The following ENTREP2 variants were observed in gnomAD, a reference collection of about 807,000 sequenced individuals.
ENTREP2 encodes protein ENTREP2.
At chr15:29,405,022 C>G in the ENTREP2 span, among the ~76,000 whole-genome samples, 1 of 152,190 alleles carries the variant, frequency 6.6e-6, no homozygotes, top group Admixed American at 6.5e-5. Flanking sequence ...CTGTAAGAGC[C>G]CTACAAAGCC....
chr15:29,617,475 A>G, the ENTREP2 span, among the ~76,000 whole-genome samples: 181 of 152,314 alleles, frequency 1.2e-3, no homozygotes, highest in African/African-American at 4.0e-3. Flanking sequence ...CACACCCAGA[A>G]AGACTGCTCT....
chr15:29,174,692 C>CAAAAAAAAA, the ENTREP2 span, among the ~76,000 whole-genome samples: 11 of 107,464 alleles, frequency 1.0e-4, no homozygotes, highest in African/African-American at 5.6e-4. Context: ...TCCAACTAAA[C>CAAAAAAAAA]AAAACAAAAC....
chr15:29,226,003 C>T, the ENTREP2 span, among the ~76,000 whole-genome samples: 1 of 152,166 alleles, frequency 6.6e-6, no homozygotes, highest in Non-Finnish European at 1.5e-5. Flanking sequence ...CACTGTCCAC[C>T]ACAGCCCCCC....
the ENTREP2 span, among the ~76,000 whole-genome samples, chr15:29,622,418 G>C: frequency 6.6e-6 from 1 of 152,050 alleles, no homozygotes; most frequent in Non-Finnish European, 1.5e-5. Flanking sequence ...ATGTTGACCA[G>C]GCTGGTTTTG....
At chr15:29,662,807 G>A in the ENTREP2 span, among the ~76,000 whole-genome samples, 1 of 152,026 alleles carries the variant, frequency 6.6e-6, no homozygotes, top group African/African-American at 2.4e-5. Context: ...TGCAACCTCT[G>A]CCTCCTGGAT....
the ENTREP2 span, among the ~76,000 whole-genome samples, chr15:29,627,197 C>CT: frequency 6.6e-6 from 1 of 152,100 alleles, no homozygotes; most frequent in Non-Finnish European, 1.5e-5. Context: ...ATTTTTCTAA[C>CT]TGACTTTTTA....
the ENTREP2 span, among the ~76,000 whole-genome samples, chr15:29,652,306 G>T: frequency 2.0e-5 from 3 of 152,114 alleles, no homozygotes; most frequent in Admixed American, 1.3e-4. Flanking sequence ...GGACACCCTG[G>T]TTGCAAAAAG....
chr15:29,350,486 C>G, the ENTREP2 span, among the ~76,000 whole-genome samples: 1 of 152,136 alleles, frequency 6.6e-6, no homozygotes, highest in Non-Finnish European at 1.5e-5. Context: ...TTTAATCTTA[C>G]TTATTCTTTT....
chr15:29,650,630 C>T, the ENTREP2 span, among the ~76,000 whole-genome samples: 2 of 151,816 alleles, frequency 1.3e-5, no homozygotes, highest in African/African-American at 4.8e-5. Flanking sequence ...ATTCTTGTTA[C>T]CCTTACTCTT....
the ENTREP2 span, among the ~76,000 whole-genome samples, chr15:29,144,668 T>A: frequency 6.6e-6 from 1 of 152,062 alleles, no homozygotes; most frequent in Non-Finnish European, 1.5e-5. Flanking sequence ...AGGTAGAGGC[T>A]GCAGTGAACC....
the ENTREP2 span, among the ~76,000 whole-genome samples, chr15:29,386,564 C>T: frequency 6.6e-6 from 1 of 152,200 alleles, no homozygotes; most frequent in Non-Finnish European, 1.5e-5. Flanking sequence ...ATTTGCTACA[C>T]AGCAACAGAA....
chr15:29,604,173 C>A, the ENTREP2 span, among the ~76,000 whole-genome samples: 2 of 152,006 alleles, frequency 1.3e-5, no homozygotes, highest in African/African-American at 2.4e-5. Flanking sequence ...GAAGAAATAC[C>A]GATAATGAAT....
chr15:29,396,195 T>G, the ENTREP2 span, among the ~76,000 whole-genome samples: 1 of 152,204 alleles, frequency 6.6e-6, no homozygotes, highest in African/African-American at 2.4e-5. Context: ...ATGCTGTACA[T>G]TACGTCTCCA....
At chr15:29,434,642 A>C in the ENTREP2 span, among the ~76,000 whole-genome samples, 1 of 152,162 alleles carries the variant, frequency 6.6e-6, no homozygotes, top group Non-Finnish European at 1.5e-5. Flanking sequence ...TGAAGCATAC[A>C]TGACATACAT....
chr15:29,544,542 ATAAAAAATTCGGTAGT>A, the ENTREP2 span, among the ~76,000 whole-genome samples: 13,975 of 152,148 alleles, frequency 0.092, 2,096 homozygotes, highest in African/African-American at 0.32. Flanking sequence ...AGGTTTTCAA[ATAAAAAATTCGGTAGT>A]TATTTGAATA....
chr15:29,174,176 G>A, the ENTREP2 span, among the ~76,000 whole-genome samples: 1 of 152,160 alleles, frequency 6.6e-6, no homozygotes, highest in Non-Finnish European at 1.5e-5. Flanking sequence ...TGATTTTGGG[G>A]ACATGTCTCT....
chr15:29,490,519 C>G, the ENTREP2 span, among the ~76,000 whole-genome samples: 1 of 152,126 alleles, frequency 6.6e-6, no homozygotes, highest in African/African-American at 2.4e-5. Context: ...TTACAGAGAG[C>G]TGATTGGTCC....
At chr15:29,357,092 T>TA in the ENTREP2 span, among the ~76,000 whole-genome samples, 3 of 151,926 alleles carry the variant, frequency 2.0e-5, no homozygotes, top group Admixed American at 6.6e-5. Flanking sequence ...CAGGTCATGG[T>TA]AAAAAACAGA....
chr15:29,160,877 C>G, the ENTREP2 span, among the ~76,000 whole-genome samples: 3 of 151,848 alleles, frequency 2.0e-5, no homozygotes, highest in African/African-American at 4.8e-5. Flanking sequence ...TATTATCAGT[C>G]AAGATATAAT....
Sources: allele counts gnomAD v4.1 joint callset (sites outside exome capture counted in the v4.1 genomes callset), GRCh38; gene constraint gnomAD v4.1.1; transcripts MANE v1.5; gene names NCBI Gene and HGNC (gene_info 2026-07-23, HGNC 2026-07-21).